The following RPTOR variants were observed in gnomAD, a reference collection of about 807,000 sequenced individuals.
The protein encoded by RPTOR is regulatory associated protein of MTOR complex 1, also known as regulatory-associated protein of mTOR.
Under a neutral mutation model 169.9 loss-of-function variants are expected in RPTOR, and 21 were observed. The ratio of observed to expected loss-of-function variants is 0.12; its 90% CI spans 0.09 to 0.18. The LOEUF is 0.18. Ranked by LOEUF, RPTOR falls within the 10% of genes least tolerant of loss-of-function variation. The pLI is 1.00. For synonymous variants in RPTOR, 732 were observed against 753.2 expected, an observed-to-expected ratio of 0.97 and a Z score of 0.46; for missense variants, 1,133 against 1,855.9, an observed-to-expected ratio of 0.61 and a Z score of 7.16.
intron 6 of RPTOR, among the ~76,000 whole-genome samples, chr17:80,777,907 G>A (rs2066906743): frequency 6.6e-6 from 1 of 152,184 alleles, no homozygotes; most frequent in African/African-American, 2.4e-5. Context: ...ATAAAGAAAA[G>A]GTGAACGCCA....
At chr17:80,710,915 G>C (rs1009659139) in intron 4 of RPTOR, among the ~76,000 whole-genome samples, 1 of 152,182 alleles carries the variant, frequency 6.6e-6, no homozygotes, top group Non-Finnish European at 1.5e-5. Flanking sequence ...TACTTGAATA[G>C]TTTTTGTGAT....
chr17:80,720,333 A>G (rs1208150097), intron 4 of RPTOR, among the ~76,000 whole-genome samples: 2 of 152,162 alleles, frequency 1.3e-5, no homozygotes, highest in African/African-American at 2.4e-5. Context: ...TTTGAAATAC[A>G]CTATTATCAG....
Position 80,964,631 on chromosome 17 carries a change from A to T in RPTOR, c.*301A>T, listed in dbSNP as rs1401342954. On this transcript the variant is annotated 3_prime_UTR_variant, in exon 34 of 34. Transcript: ENST00000306801. The stretch of plus-strand genomic sequence containing the variant: ...CTCTCCTGTTCTGTGTTTCTCTGAG[A>T]CGCTGAAAGGGGAAACACCTCACTT... 1 of 454,966 alleles carries T rather than the reference A, an allele frequency of 2.2e-6. No individual in the cohort carries two copies. 28.2% of individuals were successfully genotyped at this position (454,966 alleles called of 1,614,324 possible).
At chr17:80,762,613 A>T (rs182631043) in intron 6 of RPTOR, among the ~76,000 whole-genome samples, 1 of 152,374 alleles carries the variant, frequency 6.6e-6, no homozygotes, top group Non-Finnish European at 1.5e-5. Context: ...TGGAAATATG[A>T]AGAAGAAACA....
chr17:80,716,497 A>G (rs1041560707), intron 4 of RPTOR, among the ~76,000 whole-genome samples: 12 of 149,048 alleles, frequency 8.1e-5, no homozygotes, highest in Non-Finnish European at 1.2e-4. Flanking sequence ...GATTGTTAAG[A>G]TTTTCTCTCA....
At chr17:80,558,852 G>T (rs1240952580) in intron 1 of RPTOR, among the ~76,000 whole-genome samples, 1 of 152,190 alleles carries the variant, frequency 6.6e-6, no homozygotes, top group East Asian at 1.9e-4. Context: ...GTTGCATTTG[G>T]TGGTCGTGTC....
chr17:80,558,396 AGAG>A (rs767558309), intron 1 of RPTOR, among the ~76,000 whole-genome samples: 1 of 152,220 alleles, frequency 6.6e-6, no homozygotes. Context: ...AAACAGCTGA[AGAG>A]GAGACAGTCG....
intron 1 of RPTOR, among the ~76,000 whole-genome samples, chr17:80,579,523 C>T (rs2064996655): frequency 6.6e-6 from 1 of 152,142 alleles, no homozygotes. Context: ...AGGTTTTTGC[C>T]ACAACAACAC....
At chr17:80,636,330 G>C (rs1380536425) in intron 2 of RPTOR, among the ~76,000 whole-genome samples, 1 of 152,090 alleles carries the variant, frequency 6.6e-6, no homozygotes, top group Non-Finnish European at 1.5e-5. Context: ...CAAGCATCCC[G>C]ACCCCTGCAA....
chr17:80,653,993 G>A (rs2143629457), intron 3 of RPTOR, among the ~76,000 whole-genome samples: 1 of 151,806 alleles, frequency 6.6e-6, no homozygotes, highest in East Asian at 2.0e-4. Flanking sequence ...GGATGGCCAG[G>A]CTGTACGGCC....
rs540639481 is a variant in RPTOR at position 80,730,953 on chromosome 17, A to G, written c.654+247A>G. Among the ~76,000 whole-genome samples, 1 of 152,272 alleles carries G rather than the reference A, an allele frequency of 6.6e-6. No individual in the cohort carries two copies. Among genetic ancestry groups the G allele is most frequent in the Admixed American group, 6.5e-5 (1 of 15,306 alleles). On this transcript the variant is annotated intron_variant, in intron 5 of 33. Transcript: ENST00000306801. The surrounding 1 kb of genome is among the most constrained non-coding windows in gnomAD (Gnocchi z 4.2). Reference sequence around the variant, plus strand: ...CTGTGGTGCCGTCTCCAGTCACTGCAATGTCTGTCACCTGAGCCCAAGCAA... The same window carrying G: ...CTGTGGTGCCGTCTCCAGTCACTGCGATGTCTGTCACCTGAGCCCAAGCAA...
intron 17 of RPTOR, among the ~76,000 whole-genome samples, chr17:80,888,684 A>C (rs2068278555): frequency 6.6e-6 from 1 of 152,272 alleles, no homozygotes; most frequent in African/African-American, 2.4e-5. Context: ...CATGTGCTAC[A>C]GACGACACCC....
chr17:80,717,937 A>G (rs1446850588), intron 4 of RPTOR, among the ~76,000 whole-genome samples: 1 of 152,206 alleles, frequency 6.6e-6, no homozygotes, highest in East Asian at 1.9e-4. Flanking sequence ...CGGGAGAAGG[A>G]TTAATCCACT....
At chr17:80,848,529 A>G (rs924452128) in intron 11 of RPTOR, among the ~76,000 whole-genome samples, 7 of 152,250 alleles carry the variant, frequency 4.6e-5, no homozygotes, top group African/African-American at 1.7e-4. Context: ...CATTTGACAG[A>G]AGCCCACGTT....
intron 7 of RPTOR, chr17:80,804,564 GGGA>G (rs1814335176): frequency 6.6e-6 from 1 of 152,302 alleles, no homozygotes; most frequent in African/African-American, 2.4e-5. Flanking sequence ...CCCCGTCCCA[GGGA>G]GGACAGCAGC....
intron 3 of RPTOR, among the ~76,000 whole-genome samples, chr17:80,661,557 G>A (rs1427206999): frequency 6.6e-6 from 1 of 152,178 alleles, no homozygotes; most frequent in East Asian, 1.9e-4. Flanking sequence ...ACCCGTGGCA[G>A]TGGCACGCTT....
At chr17:80,964,114 C>T (rs563244477) in intron 33 of RPTOR, 148 bp from the exon 34 acceptor site, 2 of 690,712 alleles carry the variant, frequency 2.9e-6, no homozygotes, top group Non-Finnish European at 5.1e-6. Flanking sequence ...GTGGGACCGG[C>T]CCGGCATTTC....
At chr17:80,597,818 T>G (rs1280584305) in intron 1 of RPTOR, among the ~76,000 whole-genome samples, 1 of 151,982 alleles carries the variant, frequency 6.6e-6, no homozygotes, top group African/African-American at 2.4e-5. Flanking sequence ...CTGGCCATGT[T>G]TTTTTTGTTT....
intron 1 of RPTOR, among the ~76,000 whole-genome samples, chr17:80,577,105 C>T (rs1035807414): frequency 6.6e-6 from 1 of 150,996 alleles, no homozygotes; most frequent in Non-Finnish European, 1.5e-5. Context: ...GATCTCAGCT[C>T]GCTGCAACCT....
Sources: gnomAD v4.1 joint callset for allele counts (sites outside exome capture counted in the v4.1 genomes callset) on GRCh38, gnomAD v4.1.1 for gene constraint, Gnocchi (gnomAD v3.1) non-coding constraint, MANE v1.5 for transcripts, NCBI Gene and HGNC (gene_info 2026-07-23, HGNC 2026-07-21) for gene names.